The following WWOX variants were observed in gnomAD, a reference collection of about 807,000 sequenced individuals.
WWOX encodes WW domain containing oxidoreductase, also known as WW domain-containing oxidoreductase.
A neutral mutation model predicts 46.2 loss-of-function variants in WWOX; 69 were observed. The observed-to-expected ratio is 1.49, with a 90% CI of 1.23 to 1.82. WWOX has a LOEUF of 1.82. Among genes scored for constraint, WWOX ranks in the 40% most tolerant of loss-of-function variants. The probability of loss-of-function intolerance (pLI) is 0.00; values close to 1 mark genes in which losing one functional copy is unlikely to be tolerated. For missense variants in WWOX, 919 were observed against 542.6 expected (o/e 1.69, Z -6.89); for synonymous variants, 359 against 202.6 (o/e 1.77, Z -6.56).
At chr16:78,167,815 TC>T (rs1288045433) in intron 5 of WWOX, 1 of 152,142 alleles carries the variant, frequency 6.6e-6, no homozygotes. Flanking sequence ...CTCTATATCA[TC>T]CCCCAACTCC....
chr16:78,685,897 A>T (rs1166017826), intron 8 of WWOX, among the ~76,000 whole-genome samples: 2 of 120,800 alleles, frequency 1.7e-5, no homozygotes, highest in Non-Finnish European at 4.0e-5. Flanking sequence ...GAGAGGAAAA[A>T]AAACAAAAAA....
chr16:78,693,042 C>G (rs1240468610), intron 8 of WWOX, among the ~76,000 whole-genome samples: 1 of 152,182 alleles, frequency 6.6e-6, no homozygotes, highest in Non-Finnish European at 1.5e-5. Context: ...TCATATTATT[C>G]ATTTTTATTT....
chr16:78,457,835 G>C (rs775927494), intron 8 of WWOX, among the ~76,000 whole-genome samples: 4 of 150,742 alleles, frequency 2.7e-5, no homozygotes, highest in Non-Finnish European at 5.9e-5. Flanking sequence ...AGAATGGCCT[G>C]ATCCCGGGAG....
At chr16:78,334,813 CACACACACACACACACACAT>C (rs1245132978) in intron 5 of WWOX, among the ~76,000 whole-genome samples, 41 of 46,488 alleles carry the variant, frequency 8.8e-4, no homozygotes, top group African/African-American at 2.9e-3. Flanking sequence ...CACACGCACA[CACACACACACACACACACAT>C]ACACACACAC....
intron 3 of WWOX, among the ~76,000 whole-genome samples, chr16:78,111,341 A>G (rs1271273949): frequency 9.2e-5 from 14 of 152,218 alleles, no homozygotes; most frequent in Admixed American, 8.5e-4. Flanking sequence ...TACTATAAAC[A>G]CTATTAATCA....
rs1332788273 is a variant in WWOX at position 78,345,219 on chromosome 16, C to G, written c.517-41641C>G. Among the ~76,000 whole-genome samples the G allele has an allele frequency of 1.7e-5, 2 of 116,812 alleles. 1 individual carries two copies. Among genetic ancestry groups the G allele is most frequent in the Non-Finnish European group, 4.0e-5 (2 of 49,396 alleles). The allele number at this position is 116,812 out of a possible 152,430, so 76.6% of individuals were successfully genotyped here. Reference sequence around the variant, plus strand: ...GAACTGCAGAACATCTGCACAATCTCCAGCAAGCTAACCTCTCTGGACATC... The same window carrying G: ...GAACTGCAGAACATCTGCACAATCTGCAGCAAGCTAACCTCTCTGGACATC... On this transcript the variant is annotated intron_variant, in intron 5 of 8. Transcript: ENST00000566780.
chr16:78,733,852 G>A (rs2049022200), intron 8 of WWOX, among the ~76,000 whole-genome samples: 1 of 152,104 alleles, frequency 6.6e-6, no homozygotes. Context: ...GATCACTTGA[G>A]CCCAGGATTT....
At chr16:78,789,629 G>C (rs1290899123) in intron 8 of WWOX, among the ~76,000 whole-genome samples, 1 of 151,968 alleles carries the variant, frequency 6.6e-6, no homozygotes, top group Admixed American at 6.6e-5. Flanking sequence ...TGGGTATTCT[G>C]GGTCCCTTGT....
intron 5 of WWOX, among the ~76,000 whole-genome samples, chr16:78,261,242 A>G (rs966679162): frequency 6.7e-6 from 1 of 149,752 alleles, no homozygotes; most frequent in Admixed American, 6.7e-5. Context: ...GTAGAAATGT[A>G]AGATTTTAAT....
At chr16:79,203,446 A>G (rs1381688532) in intron 8 of WWOX, 1 of 151,260 alleles carries the variant, frequency 6.6e-6, no homozygotes, top group Non-Finnish European at 1.5e-5. Flanking sequence ...TGGAAGGCAG[A>G]GTTAAGAGTT....
intron 8 of WWOX, among the ~76,000 whole-genome samples, chr16:78,443,090 C>G (rs926775521): frequency 6.9e-6 from 1 of 144,928 alleles, no homozygotes; most frequent in Non-Finnish European, 1.5e-5. Flanking sequence ...GAGCCAAGAT[C>G]GCACCACTGC....
intron 8 of WWOX, among the ~76,000 whole-genome samples, chr16:78,803,269 C>G (rs2050943826): frequency 6.6e-6 from 1 of 151,506 alleles, no homozygotes; most frequent in African/African-American, 2.4e-5. Flanking sequence ...CTCCAAACCA[C>G]CACGTGCTCT....
At chr16:78,913,312 A>C (rs2045159594) in intron 8 of WWOX, among the ~76,000 whole-genome samples, 1 of 151,928 alleles carries the variant, frequency 6.6e-6, no homozygotes, top group Non-Finnish European at 1.5e-5. Context: ...GTTCATGGTT[A>C]GACTGCATTT....
chr16:79,083,829 G>T (rs1030759923), intron 8 of WWOX, among the ~76,000 whole-genome samples: 1 of 152,184 alleles, frequency 6.6e-6, no homozygotes, highest in Non-Finnish European at 1.5e-5. Context: ...ATTTGTATAG[G>T]AGACTCTTTT....
chr16:78,675,919 A>G (rs56845761), intron 8 of WWOX, among the ~76,000 whole-genome samples: 6,518 of 152,250 alleles, frequency 0.043, 468 homozygotes, highest in African/African-American at 0.15. Flanking sequence ...GAAGTCATAA[A>G]GAAGTGGGAA....
At chr16:78,442,142 GA>G (rs202065342) in intron 8 of WWOX, among the ~76,000 whole-genome samples, 27 of 148,500 alleles carry the variant, frequency 1.8e-4, no homozygotes, top group African/African-American at 4.0e-4. Flanking sequence ...ATCTCTAAAG[GA>G]AAAAAAAAAT....
At chr16:78,820,590 A>G (rs7201888) in intron 8 of WWOX, among the ~76,000 whole-genome samples, 124,061 of 152,054 alleles carry the variant, frequency 0.82, 50,700 homozygotes, top group Middle Eastern at 0.85. Context: ...CCTTCCTTGA[A>G]ATATAATGAC....
rs143817213 is a variant in WWOX at position 79,034,794 on chromosome 16, A to G, written c.1057-176814A>G. Among the ~76,000 whole-genome samples, 1,026 of 152,280 alleles carry G rather than the reference A, an allele frequency of 6.7e-3. 17 individuals are homozygous for G. Among genetic ancestry groups the G allele is most frequent in the African/African-American group, 0.023 (960 of 41,548 alleles). The stretch of plus-strand genomic sequence containing the variant: ...GGAATGCCATAAATTACATGAAGGA[A>G]TTATTCATTGTATCACGAAACATAC... On this transcript the variant is annotated intron_variant, in intron 8 of 8. Coordinates refer to ENST00000566780, the MANE Select transcript of WWOX (RefSeq NM_016373.4).
At chr16:78,971,085 A>G (rs936236338) in intron 8 of WWOX, among the ~76,000 whole-genome samples, 3 of 152,052 alleles carry the variant, frequency 2.0e-5, no homozygotes, top group African/African-American at 7.2e-5. Context: ...ATGTATATGT[A>G]TATCAATATA....
Sources: allele counts gnomAD v4.1 joint callset (sites outside exome capture counted in the v4.1 genomes callset), GRCh38; gene constraint gnomAD v4.1.1; transcripts MANE v1.5; gene names NCBI Gene and HGNC (gene_info 2026-07-23, HGNC 2026-07-21).